Variants in WDR88 observed in about 807,000 individuals in gnomAD.
WDR88 encodes the protein WD repeat domain 88.
Under a neutral mutation model 46.8 loss-of-function variants are expected in WDR88, and 40 were observed. The ratio of observed to expected loss-of-function variants is 0.86; its 90% confidence interval spans 0.66 to 1.11. The LOEUF is 1.11. Ranked by LOEUF, WDR88 falls within the 50% of genes most tolerant of loss-of-function variation. WDR88 has a pLI of 0.00. For missense variants in WDR88, 562 were observed against 602.4 expected (o/e 0.93, Z 0.70); for synonymous variants, 235 against 240.7 (o/e 0.98, Z 0.22).
chr19:33,159,649 C>A (rs986826581), intron 7 of WDR88, among the ~76,000 whole-genome samples: 1 of 152,022 alleles, frequency 6.6e-6, no homozygotes, highest in Non-Finnish European at 1.5e-5. Flanking sequence ...CCCCTAGGAG[C>A]GATGGTTCAG....
intron 7 of WDR88, among the ~76,000 whole-genome samples, chr19:33,159,097 G>A (rs1255335612): frequency 6.6e-6 from 1 of 151,754 alleles, no homozygotes; most frequent in Non-Finnish European, 1.5e-5. Context: ...GGGGGGTGCT[G>A]AGGCGGGAGT....
intron 9 of WDR88, among the ~76,000 whole-genome samples, chr19:33,165,458 T>C (rs114021162): frequency 3.5e-4 from 54 of 152,338 alleles, no homozygotes; most frequent in African/African-American, 1.3e-3. Context: ...AAAGGTTTAC[T>C]TGAAATTATA....
intron 4 of WDR88, among the ~76,000 whole-genome samples, 188 bp downstream of exon 4, chr19:33,147,896 T>C (rs935642172): frequency 2.0e-5 from 3 of 151,880 alleles, no homozygotes; most frequent in Admixed American, 1.3e-4. Context: ...TTGCAAAAAG[T>C]CTGGAGGGTG....
chr19:33,169,394 C>T (rs188030472), intron 9 of WDR88, among the ~76,000 whole-genome samples: 36 of 152,074 alleles, frequency 2.4e-4, no homozygotes, highest in African/African-American at 5.8e-4. Context: ...AACTCAACAA[C>T]AAAAAACAAA....
intron 6 of WDR88, among the ~76,000 whole-genome samples, chr19:33,151,695 T>C (rs1973636980): frequency 2.0e-5 from 3 of 151,258 alleles, no homozygotes; most frequent in African/African-American, 7.3e-5. Flanking sequence ...GCCTGGGCAA[T>C]GTCACAAGAC....
At chr19:33,147,064 A>T (rs1973533121) in intron 3 of WDR88, among the ~76,000 whole-genome samples, 1 of 150,552 alleles carries the variant, frequency 6.6e-6, no homozygotes, top group African/African-American at 2.4e-5. Flanking sequence ...CTAAGGAAAA[A>T]AAAAAAAAGA....
chr19:33,142,878 A>AAAAAAAAAAAAAAAAAAAAG (rs1289318961), intron 2 of WDR88: 1 of 142,872 alleles, frequency 7.0e-6, no homozygotes, highest in Non-Finnish European at 1.5e-5. Context: ...AAAAAAAAAA[A>AAAAAAAAAAAAAAAAAAAAG]AAGGCCGGGG....
chr19:33,167,758 CCTCCTCT>C (rs1169345252), intron 9 of WDR88, among the ~76,000 whole-genome samples: 1 of 151,206 alleles, frequency 6.6e-6, no homozygotes, highest in Admixed American at 6.6e-5. Context: ...TCTCTCCTCT[CCTCCTCT>C]CTCCTCTCCT....
chr19:33,148,648 A>T, intron 4 of WDR88, 124 bp from the exon 5 acceptor site: 3 of 1,179,660 alleles, frequency 2.5e-6, no homozygotes, highest in Non-Finnish European at 3.7e-6. Flanking sequence ...CATGTTTCCC[A>T]GGCTAGTCTC....
chr19:33,171,445 CCT>C (rs933290244), intron 9 of WDR88, among the ~76,000 whole-genome samples: 4 of 152,132 alleles, frequency 2.6e-5, no homozygotes, highest in Admixed American at 2.0e-4. Flanking sequence ...AAAAATGACC[CCT>C]TTGTTCTCCC....
rs116072663 is a variant in WDR88 at position 33,133,568 on chromosome 19, G to A, written c.276+1123G>A. On this transcript the variant is annotated intron_variant, in intron 1 of 10. Transcript: ENST00000355868. The stretch of plus-strand genomic sequence containing the variant: ...ATAAAGAACATTCTCAATAAGTAGC[G>A]TTTCATGCTTGGCCTTGATTTATTG... 1.8e-3 allele frequency among the ~76,000 whole-genome samples: 279 copies of A among 152,288 alleles called. 1 individual carries two copies. The highest frequency in any genetic ancestry group is 6.2e-3 in the African/African-American group (257 of 41,558).
chr19:33,152,234 A>AATAT (rs58282641), intron 6 of WDR88, among the ~76,000 whole-genome samples: 11,379 of 147,396 alleles, frequency 0.077, 1,489 homozygotes, highest in African/African-American at 0.27. Flanking sequence ...TCTGTCTCAA[A>AATAT]ATATATATAT....
intron 9 of WDR88, among the ~76,000 whole-genome samples, chr19:33,170,991 T>C (rs1974029385): frequency 1.3e-5 from 2 of 152,132 alleles, no homozygotes; most frequent in Admixed American, 6.5e-5. Context: ...AATATTATTA[T>C]TATTATTTTT....
At chr19:33,141,791 C>G (rs1223549660) in intron 2 of WDR88, among the ~76,000 whole-genome samples, 17 of 152,160 alleles carry the variant, frequency 1.1e-4, no homozygotes, top group African/African-American at 4.1e-4. Context: ...AGCGATTCTC[C>G]TGCCTCAGCC....
At chr19:33,149,252 G>A (rs1199850350) in intron 5 of WDR88, among the ~76,000 whole-genome samples, 2 of 152,092 alleles carry the variant, frequency 1.3e-5, no homozygotes, top group African/African-American at 2.4e-5. Flanking sequence ...GAACCCGGAG[G>A]TGGAGATTGT....
chr19:33,163,641 C>CA (rs1973907382), intron 8 of WDR88, among the ~76,000 whole-genome samples: 1 of 140,024 alleles, frequency 7.1e-6, no homozygotes, highest in Non-Finnish European at 1.6e-5. Context: ...CTGCTCTTTC[C>CA]TTTTTTTTTT....
In WDR88 at chr19:33,148,918, T is replaced by C. The variant is rs756924922; in HGVS notation, c.679+8T>C. The C allele has an allele frequency of 3.1e-6, 5 of 1,613,630 alleles. No individual in the cohort carries two copies. In the South Asian group the frequency reaches 5.5e-5, roughly 18 times the overall value. On this transcript the variant is annotated splice_region_variant and intron_variant, in intron 5 of 10. Transcript: ENST00000355868. ...CCGTTTCCGTCATCAAAGGTGAGGG[T>C]GTGCGGGCTCCCTGTATCTTCAGTC...
chr19:33,140,277 C>T (rs1341491160), intron 2 of WDR88, among the ~76,000 whole-genome samples: 1 of 152,162 alleles, frequency 6.6e-6, no homozygotes, highest in African/African-American at 2.4e-5. Context: ...ATCTCAACAC[C>T]CCGAGTAGCT....
intron 1 of WDR88, among the ~76,000 whole-genome samples, chr19:33,135,053 G>T (rs1208298744): frequency 1.1e-4 from 11 of 95,718 alleles, no homozygotes; most frequent in South Asian, 7.5e-4. Context: ...TGGGGTGGGT[G>T]GGTGGGGGGG....
Sources: allele counts gnomAD v4.1 joint callset (sites outside exome capture counted in the v4.1 genomes callset), GRCh38; gene constraint gnomAD v4.1.1; transcripts MANE v1.5; gene names NCBI Gene and HGNC (gene_info 2026-07-23, HGNC 2026-07-21).